The following MINAR1 variants were observed in gnomAD, a reference collection of about 807,000 sequenced individuals.
MINAR1 encodes the protein major intrinsically disordered Notch2-binding receptor 1.
Under a neutral mutation model 65.1 loss-of-function variants are expected in MINAR1, and 40 were observed. The ratio of observed to expected loss-of-function variants is 0.61; its 90% CI spans 0.48 to 0.80. The LOEUF (loss-of-function observed/expected upper bound fraction) is 0.80, where lower values mean the gene tolerates loss of function less well. Ranked by LOEUF, MINAR1 falls within the 30% of genes least tolerant of loss-of-function variation. The pLI, the probability that MINAR1 is intolerant of heterozygous loss-of-function variation, is 0.00. For missense variants in MINAR1, 1,128 were observed against 1,148.0 expected (o/e 0.98, Z 0.25); for synonymous variants, 482 against 449.1 (o/e 1.07, Z -0.93).
At chr15:79,451,430 G>C (rs1895196451) in intron 1 of MINAR1, among the ~76,000 whole-genome samples, 1 of 152,182 alleles carries the variant, frequency 6.6e-6, no homozygotes, top group Admixed American at 6.5e-5. Flanking sequence ...TGTTCCAGGA[G>C]CCGGCGTGGG....
At chr15:79,413,998 G>C in the MINAR1 span, 1 of 152,178 alleles carries the variant, frequency 6.6e-6, no homozygotes, top group East Asian at 1.9e-4. Flanking sequence ...TACTGTCTAG[G>C]GGGAGGTGGG....
At position 79,432,347 on chromosome 15, in the gene MINAR1, C is replaced by G. The variant is rs574545737; in HGVS notation, c.-244C>G. ...GCGCGTGTGAGCGCAGACCTGGACT[C>G]GGGCGGCGGAGGCGAAAGTCGCTCC... On this transcript the variant is annotated 5_prime_UTR_variant, in exon 1 of 4. Transcript: ENST00000305428. Among the ~76,000 whole-genome samples, 71 of 152,132 alleles carry G rather than the reference C, an allele frequency of 4.7e-4. 1 individual carries two copies. The highest frequency in any genetic ancestry group is 4.6e-3 in the Admixed American group (71 of 15,294).
In MINAR1 at chr15:79,457,929, C is replaced by G. The variant is rs1165823921; in HGVS notation, c.1782C>G (p.Thr594=). 4 of 1,614,090 alleles carry G rather than the reference C, an allele frequency of 2.5e-6. No individual in the cohort carries two copies. Among genetic ancestry groups the G allele is most frequent in the Non-Finnish European group, 3.4e-6 (4 of 1,180,050 alleles). The change falls in exon 2 of 4, where the codon ACC becomes ACG. Residue 594 remains threonine (T), a synonymous_variant. Transcript: ENST00000305428. ...ACCACTCGGAAGAAGAGCTGAAGAC[C>G]AGTGTGTGCAAACTGGTGCTCAGGA... ...NTHHSEEELK[T]SVCKLVLRIG... is the part of the protein sequence containing the mutation.
At chr15:79,431,829 CG>C (rs1379655242), upstream of MINAR1, among the ~76,000 whole-genome samples, 1 of 152,228 alleles carries the variant, frequency 6.6e-6, no homozygotes. Context: ...TTCCCCTCGG[CG>C]CTGCAGCCGC....
intron 1 of MINAR1, among the ~76,000 whole-genome samples, chr15:79,441,948 A>C (rs763776936): frequency 2.6e-5 from 4 of 151,890 alleles, no homozygotes; most frequent in Non-Finnish European, 5.9e-5. Flanking sequence ...TTGTAAATTA[A>C]CCATTTGTTT....
chr15:79,431,725 C>T (rs1244564363), upstream of MINAR1, among the ~76,000 whole-genome samples: 1 of 152,244 alleles, frequency 6.6e-6, no homozygotes, highest in Non-Finnish European at 1.5e-5. Flanking sequence ...CACTGGGGGC[C>T]GCAGTCACCT....
chr15:79,418,434 C>G, the MINAR1 span: 2 of 152,190 alleles, frequency 1.3e-5, no homozygotes, highest in Non-Finnish European at 2.9e-5. Context: ...TTTCGCAGTC[C>G]CCTGCACCCA....
upstream of MINAR1, among the ~76,000 whole-genome samples, chr15:79,431,509 GTGTGT>G (rs1894435801): frequency 6.9e-6 from 1 of 144,566 alleles, no homozygotes; most frequent in African/African-American, 2.8e-5. Context: ...GTATGTGTGT[GTGTGT>G]GGGGGGGGAG....
intron 1 of MINAR1, among the ~76,000 whole-genome samples, chr15:79,436,055 G>T (rs933215087): frequency 1.3e-5 from 2 of 152,214 alleles, no homozygotes; most frequent in Non-Finnish European, 2.9e-5. Flanking sequence ...TGTTTCAGTG[G>T]TAGTTAAGTC....
At chr15:79,436,522 G>A (rs192519408) in intron 1 of MINAR1, among the ~76,000 whole-genome samples, 1 of 152,306 alleles carries the variant, frequency 6.6e-6, no homozygotes, top group Admixed American at 6.5e-5. Flanking sequence ...TTCAGTGATT[G>A]GACAGAATTG....
rs35688303 is a variant in MINAR1, at chr15:79,442,592, GAAAA to G, written c.-51+10067_-51+10070del. Among the ~76,000 whole-genome samples, 5 of 122,750 alleles carry G rather than the reference GAAAA, an allele frequency of 4.1e-5. No homozygotes were observed. In the South Asian group the frequency reaches 1.0e-3, roughly 25 times the overall value. The allele number at this position is 122,750 out of a possible 152,430, so 80.5% of individuals were successfully genotyped here. On this transcript the variant is annotated intron_variant, in intron 1 of 3. Transcript: ENST00000305428. ...ATGCATGGCCTTGCCCCATAAAAAT[GAAAA>G]AAAAAAAAAAAAAACTTCCAACAAA...
At chr15:79,455,961 T>A in intron 1 of MINAR1, 137 bp from the exon 2 acceptor site, 1 of 570,068 alleles carries the variant, frequency 1.8e-6, no homozygotes, top group African/African-American at 1.9e-5. Context: ...ATATTTTTAC[T>A]GTCCTTATTA....
At chr15:79,419,766 C>T in the MINAR1 span, 1 of 152,236 alleles carries the variant, frequency 6.6e-6, no homozygotes, top group Middle Eastern at 3.4e-3. Flanking sequence ...TGAACTGAGG[C>T]ATTCTCTCAA....
At chr15:79,463,806 G>A in intron 3 of MINAR1, 2 of 452,306 alleles carry the variant, frequency 4.4e-6, no homozygotes, top group East Asian at 7.0e-5. Flanking sequence ...TGTGGCTGGA[G>A]GGCATGTTTT....
the MINAR1 span, chr15:79,420,541 A>C: frequency 6.6e-6 from 1 of 152,214 alleles, no homozygotes; most frequent in Non-Finnish European, 1.5e-5. Flanking sequence ...AATGACTGCA[A>C]GTGGAAGCTG....
Position 79,458,384 on chromosome 15 carries a change from A to G in MINAR1, c.2237A>G (p.Glu746Gly). 1 of 1,614,188 alleles carries G rather than the reference A, an allele frequency of 6.2e-7. No individual in the cohort carries two copies. Among genetic ancestry groups the G allele is most frequent in the African/African-American group, 1.3e-5 (1 of 75,042 alleles). Residue 746 changes from glutamate (E) to glycine (G), a missense_variant, in exon 2 of 4, where the codon GAG (glutamate) becomes GGG (glycine). Transcript: ENST00000305428. Reference protein sequence around the residue: ...ITYTNRVGLNEEEIKDTGPGD... With the variant: ...ITYTNRVGLNGEEIKDTGPGD... ...TATACCAACCGTGTGGGCCTCAATG[A>G]GGAGGAGATAAAAGACACAGGCCCA...
At chr15:79,452,203 ATG>A (rs34276947) in intron 1 of MINAR1, among the ~76,000 whole-genome samples, 12 of 150,896 alleles carry the variant, frequency 8.0e-5, no homozygotes, top group East Asian at 2.0e-4. Flanking sequence ...GTGTAGGTGA[ATG>A]TGTGTGTGCT....
chr15:79,456,458 A>C lies in MINAR1; in HGVS notation c.311A>C (p.Lys104Thr), dbSNP rs1895417887. 1.2e-6 allele frequency: 2 copies of C among 1,614,074 alleles called. No homozygotes were observed. The highest frequency in any genetic ancestry group is 3.3e-5 in the Admixed American group (2 of 60,012). The change falls in exon 2 of 4, where the codon AAG (lysine) becomes ACG (threonine). Residue 104 changes from lysine to threonine, a missense_variant. Transcript: ENST00000305428. The part of the protein sequence containing the change: ...IQMNGGAAKE[K>T]LPTGRQKVRK... ...ATGAATGGCGGGGCTGCCAAGGAGA[A>C]GCTGCCCACGGGCCGCCAGAAGGTA...
At chr15:79,452,075 T>C (rs1179158421) in intron 1 of MINAR1, among the ~76,000 whole-genome samples, 1 of 151,990 alleles carries the variant, frequency 6.6e-6, no homozygotes, top group East Asian at 1.9e-4. Context: ...GGTGTGAATG[T>C]GTTTGTGGAT....
Sources: gnomAD v4.1 joint callset for allele counts (sites outside exome capture counted in the v4.1 genomes callset) on GRCh38, gnomAD v4.1.1 for gene constraint, MANE v1.5 for transcripts, NCBI Gene and HGNC (gene_info 2026-07-23, HGNC 2026-07-21) for gene names.